The following ZBTB16 variants were observed in gnomAD, a reference collection of about 807,000 sequenced individuals.
ZBTB16 encodes zinc finger and BTB domain containing 16, also known as zinc finger and BTB domain-containing protein 16.
ZBTB16 carries 8 observed loss-of-function variants against 56.8 expected under a neutral mutation model. The ratio of observed to expected loss-of-function variants is 0.14; its 90% CI spans 0.08 to 0.25. ZBTB16 has a LOEUF of 0.25. Ranked by LOEUF, ZBTB16 falls within the 10% of genes least tolerant of loss-of-function variation. The probability of loss-of-function intolerance (pLI) is 1.00; values close to 1 mark genes in which losing one functional copy is unlikely to be tolerated. For synonymous variants in ZBTB16, 363 were observed against 368.5 expected, an observed-to-expected ratio of 0.98 and a Z score of 0.17; for missense variants, 625 against 903.0, an observed-to-expected ratio of 0.69 and a Z score of 3.95.
intron 4 of ZBTB16, among the ~76,000 whole-genome samples, chr11:114,227,145 G>C (rs1944342222): frequency 6.6e-6 from 1 of 152,174 alleles, no homozygotes; most frequent in African/African-American, 2.4e-5. Context: ...GCAGCAAGGC[G>C]ATACTGCTTT....
chr11:114,066,166 C>T lies in ZBTB16; in HGVS notation c.1268+1598C>T, dbSNP rs558049250. The stretch of plus-strand genomic sequence containing the variant: ...CATTCCCCTGTTGCTCGTTCAGGTA[C>T]GGGGGATGTGAGTGAGAGGGGTTGG... On this transcript the variant is annotated intron_variant, in intron 2 of 6. Transcript: ENST00000335953. 7.9e-5 allele frequency among the ~76,000 whole-genome samples: 12 copies of T among 152,226 alleles called. No homozygotes were observed. In the South Asian group the frequency reaches 1.9e-3, roughly 24 times the overall value.
chr11:114,083,727 G>A (rs1453376327), intron 2 of ZBTB16, among the ~76,000 whole-genome samples: 3 of 152,146 alleles, frequency 2.0e-5, no homozygotes, highest in African/African-American at 7.2e-5. Flanking sequence ...CACCCCCGCA[G>A]CCAGGAGAGG....
At chr11:114,172,882 G>A (rs1296642662) in intron 3 of ZBTB16, among the ~76,000 whole-genome samples, 1 of 152,174 alleles carries the variant, frequency 6.6e-6, no homozygotes, top group African/African-American at 2.4e-5. Flanking sequence ...TTTTTTTCCG[G>A]CAGGGAGGTG....
At chr11:114,208,455 C>T (rs1943932544) in intron 4 of ZBTB16, among the ~76,000 whole-genome samples, 1 of 152,084 alleles carries the variant, frequency 6.6e-6, no homozygotes, top group African/African-American at 2.4e-5. Context: ...CCCTTTATAC[C>T]TCAAAAAGGG....
chr11:114,160,714 G>A (rs1027335881), intron 3 of ZBTB16, among the ~76,000 whole-genome samples: 1 of 152,166 alleles, frequency 6.6e-6, no homozygotes, highest in Non-Finnish European at 1.5e-5. Context: ...ATTTCAATTC[G>A]AATGTGTGAA....
At chr11:114,190,121 C>T (rs1367463054) in intron 4 of ZBTB16, among the ~76,000 whole-genome samples, 3 of 152,112 alleles carry the variant, frequency 2.0e-5, no homozygotes, top group Non-Finnish European at 4.4e-5. Flanking sequence ...TCTATAGAGA[C>T]AGAAAGTAAA....
At chr11:114,109,051 C>A (rs1459140778) in intron 2 of ZBTB16, among the ~76,000 whole-genome samples, 1 of 152,200 alleles carries the variant, frequency 6.6e-6, no homozygotes, top group Non-Finnish European at 1.5e-5. Flanking sequence ...TAATCCATAA[C>A]AGGCCTAATG....
intron 3 of ZBTB16, among the ~76,000 whole-genome samples, chr11:114,185,336 T>C (rs1943336998): frequency 6.6e-6 from 1 of 152,130 alleles, no homozygotes; most frequent in African/African-American, 2.4e-5. Flanking sequence ...GCCTTGAAAA[T>C]GAAGTGGGAT....
intron 3 of ZBTB16, among the ~76,000 whole-genome samples, chr11:114,184,433 A>G (rs1478702858): frequency 6.6e-6 from 1 of 152,246 alleles, no homozygotes; most frequent in Non-Finnish European, 1.5e-5. Flanking sequence ...GATGTGTAAA[A>G]TAGGTAAATT....
intron 2 of ZBTB16, among the ~76,000 whole-genome samples, chr11:114,131,398 ATCTTTTGTTT>A (rs1565642095): frequency 1.3e-5 from 2 of 152,210 alleles, no homozygotes; most frequent in Non-Finnish European, 2.9e-5. Flanking sequence ...TGCACATAAA[ATCTTTTGTTT>A]TCTCTGTTTT....
chr11:114,102,931 GT>G (rs1940665021), intron 2 of ZBTB16, among the ~76,000 whole-genome samples: 1 of 152,134 alleles, frequency 6.6e-6, no homozygotes. Context: ...TTCTTTGTGT[GT>G]GCCCATATTA....
chr11:114,187,061 T>C, intron 4 of ZBTB16, 23 bp downstream of exon 4: 1 of 1,611,674 alleles, frequency 6.2e-7, no homozygotes, highest in Non-Finnish European at 8.5e-7. Flanking sequence ...GGATTCCTGT[T>C]CTCCAGGTTT....
intron 2 of ZBTB16, among the ~76,000 whole-genome samples, chr11:114,073,021 A>G (rs1008350927): frequency 7.1e-6 from 1 of 141,830 alleles, no homozygotes; most frequent in African/African-American, 2.6e-5. Flanking sequence ...CACTCACTAC[A>G]CTCCAGCCTG....
chr11:114,204,256 C>T (rs1290745124), intron 4 of ZBTB16, among the ~76,000 whole-genome samples: 1 of 151,538 alleles, frequency 6.6e-6, no homozygotes, highest in Non-Finnish European at 1.5e-5. Context: ...CGGGTTCAAG[C>T]GATTCTCCTG....
chr11:114,197,542 C>T (rs1450797922), intron 4 of ZBTB16, among the ~76,000 whole-genome samples: 2 of 152,042 alleles, frequency 1.3e-5, no homozygotes, highest in Non-Finnish European at 2.9e-5. Context: ...TGCCTGCTTG[C>T]ACTGGCCCCT....
chr11:114,173,028 A>T (rs1023617456), intron 3 of ZBTB16, among the ~76,000 whole-genome samples: 1 of 152,170 alleles, frequency 6.6e-6, no homozygotes, highest in Non-Finnish European at 1.5e-5. Context: ...ATTATGGTGC[A>T]GGGGGTAAGG....
At chr11:114,233,125 ACTCTCT>A (rs34864436) in intron 4 of ZBTB16, among the ~76,000 whole-genome samples, 3,570 of 54,446 alleles carry the variant, frequency 0.066, 101 homozygotes, top group Non-Finnish European at 0.099. Flanking sequence ...ACACACACAC[ACTCTCT>A]CTCTCTCACA....
intron 2 of ZBTB16, among the ~76,000 whole-genome samples, chr11:114,095,604 T>C (rs1027413330): frequency 3.9e-5 from 6 of 152,146 alleles, no homozygotes; most frequent in African/African-American, 1.4e-4. Context: ...GAAAGAGACA[T>C]GCAAACAAGG....
At chr11:114,181,153 A>G (rs1364683499) in intron 3 of ZBTB16, among the ~76,000 whole-genome samples, 4 of 152,226 alleles carry the variant, frequency 2.6e-5, no homozygotes, top group African/African-American at 2.4e-5. Context: ...CTGTACATCC[A>G]ATTCCAGTAA....
Sources: gnomAD v4.1 joint callset for allele counts (sites outside exome capture counted in the v4.1 genomes callset) on GRCh38, gnomAD v4.1.1 for gene constraint, MANE v1.5 for transcripts, NCBI Gene and HGNC (gene_info 2026-07-23, HGNC 2026-07-21) for gene names.